MECOM: variants seen among roughly 807,000 people sequenced by gnomAD.
MECOM encodes MDS1 and EVI1 complex locus.
Under a neutral mutation model 116.3 loss-of-function variants are expected in MECOM, and 13 were observed. The observed-to-expected ratio is 0.11, with a 90% CI of 0.07 to 0.18. The LOEUF (loss-of-function observed/expected upper bound fraction) is 0.18, where lower values mean the gene tolerates loss of function less well. Among genes scored for constraint, MECOM ranks in the 10% least tolerant of loss-of-function variants. MECOM has a pLI of 1.00. For synonymous variants in MECOM, 528 were observed against 535.2 expected, an observed-to-expected ratio of 0.99 and a Z score of 0.19; for missense variants, 1,299 against 1,509.0, an observed-to-expected ratio of 0.86 and a Z score of 2.31.
intron 1 of MECOM, among the ~76,000 whole-genome samples, chr3:169,576,343 C>G (rs1055347709): frequency 1.3e-5 from 2 of 152,050 alleles, no homozygotes; most frequent in Non-Finnish European, 2.9e-5. Flanking sequence ...GCATCAAAAA[C>G]CACAATAAAA....
chr3:169,413,806 C>G (rs190958666), intron 1 of MECOM, among the ~76,000 whole-genome samples: 2 of 152,210 alleles, frequency 1.3e-5, no homozygotes, highest in African/African-American at 4.8e-5. Flanking sequence ...CTCAGTGCAG[C>G]AAGGCCACTG....
At chr3:169,265,004 C>T (rs1346066376) in intron 2 of MECOM, among the ~76,000 whole-genome samples, 6 of 151,600 alleles carry the variant, frequency 4.0e-5, no homozygotes, top group African/African-American at 1.5e-4. Flanking sequence ...TCTCTACCAA[C>T]TAAGATCTTC....
At chr3:169,400,970 G>A (rs185081693) in intron 1 of MECOM, among the ~76,000 whole-genome samples, 1 of 152,286 alleles carries the variant, frequency 6.6e-6, no homozygotes, top group African/African-American at 2.4e-5. Flanking sequence ...AAATATCCCA[G>A]TAATGGTTCA....
At chr3:169,095,902 AT>A (rs1721295042) in intron 12 of MECOM, among the ~76,000 whole-genome samples, 1 of 152,118 alleles carries the variant, frequency 6.6e-6, no homozygotes, top group South Asian at 2.1e-4. Context: ...AAGGGCTTCC[AT>A]TTATCTCCCT....
chr3:169,130,977 T>C (rs991749), intron 4 of MECOM, among the ~76,000 whole-genome samples: 148,429 of 152,176 alleles, frequency 0.98, 72,422 homozygotes, highest in East Asian at 1. Context: ...TCCCAAGGCC[T>C]CTTCCCTGAC....
At chr3:169,548,595 G>A (rs750598109) in intron 1 of MECOM, among the ~76,000 whole-genome samples, 6 of 152,152 alleles carry the variant, frequency 3.9e-5, no homozygotes, top group Admixed American at 6.5e-5. Flanking sequence ...TATTCAGGCC[G>A]ATAGTTTGAT....
intron 2 of MECOM, chr3:169,146,449 A>G: frequency 7.2e-7 from 1 of 1,387,736 alleles, no homozygotes. Context: ...CAAGGAAAAG[A>G]GGCCGACAAG....
intron 1 of MECOM, among the ~76,000 whole-genome samples, chr3:169,534,368 A>G (rs888672141): frequency 4.6e-5 from 7 of 152,188 alleles, no homozygotes; most frequent in Admixed American, 3.9e-4. Flanking sequence ...AGAGATAGCT[A>G]ATAACCCCCT....
At chr3:169,540,494 C>A (rs1021867389) in intron 1 of MECOM, among the ~76,000 whole-genome samples, 1 of 152,234 alleles carries the variant, frequency 6.6e-6, no homozygotes, top group Admixed American at 6.5e-5. Flanking sequence ...TTCAATGTGG[C>A]CATGTCATGG....
chr3:169,602,395 T>C (rs1767939749), intron 1 of MECOM, among the ~76,000 whole-genome samples: 1 of 152,224 alleles, frequency 6.6e-6, no homozygotes, highest in African/African-American at 2.4e-5. Flanking sequence ...TCAAATAGTA[T>C]TTTTATACCC....
intron 2 of MECOM, among the ~76,000 whole-genome samples, chr3:169,289,619 C>T (rs769020166): frequency 6.6e-6 from 1 of 152,166 alleles, no homozygotes; most frequent in Non-Finnish European, 1.5e-5. Flanking sequence ...GGCTGTGCAA[C>T]CCTCATCTCT....
intron 2 of MECOM, among the ~76,000 whole-genome samples, chr3:169,273,306 A>C (rs941942026): frequency 6.6e-6 from 1 of 152,322 alleles, no homozygotes; most frequent in East Asian, 1.9e-4. Context: ...AGATAGATTA[A>C]AAAGGATATA....
intron 2 of MECOM, among the ~76,000 whole-genome samples, chr3:169,321,235 A>G (rs568367677): frequency 1.3e-5 from 2 of 152,380 alleles, no homozygotes; most frequent in East Asian, 3.9e-4. Context: ...TGGATAGGAA[A>G]AGTGCTGTTA....
At chr3:169,513,836 T>C (rs1191494085) in intron 1 of MECOM, among the ~76,000 whole-genome samples, 6 of 152,182 alleles carry the variant, frequency 3.9e-5, no homozygotes, top group Non-Finnish European at 8.8e-5. Context: ...TTGAGAGCTT[T>C]AAAAACACCA....
In MECOM at chr3:169,084,187, T is replaced by C. The variant is rs976475529; in HGVS notation, c.*722A>G. 1 of 232,164 alleles carries C rather than the reference T, an allele frequency of 4.3e-6. No homozygotes were observed. Among genetic ancestry groups the C allele is most frequent in the Non-Finnish European group, 8.5e-6 (1 of 117,384 alleles). The allele number at this position is 232,164 out of a possible 1,614,324, so 14.4% of individuals were successfully genotyped here. ...GTGACATGATTGTCTAAAATTAAGA[T>C]GTTATTACAAGGATTTGGCAAACAA... On this transcript the variant is annotated 3_prime_UTR_variant, in exon 17 of 17. Transcript: ENST00000651503.
At chr3:169,131,931 C>G in intron 3 of MECOM, 1 of 1,006,234 alleles carries the variant, frequency 9.9e-7, no homozygotes, top group Non-Finnish European at 1.2e-6. Flanking sequence ...AGTAGCCTAG[C>G]TTACCTTGTA....
At chr3:169,497,500 C>T (rs1753965878) in intron 1 of MECOM, among the ~76,000 whole-genome samples, 1 of 152,086 alleles carries the variant, frequency 6.6e-6, no homozygotes, top group South Asian at 2.1e-4. Context: ...TGCCTGCCAC[C>T]AGGCCCGGCT....
intron 2 of MECOM, among the ~76,000 whole-genome samples, chr3:169,189,016 ATTGT>A (rs1005077742): frequency 5.9e-5 from 9 of 152,012 alleles, no homozygotes; most frequent in African/African-American, 1.7e-4. Flanking sequence ...TTAGCCCCAA[ATTGT>A]TTGGTAATAA....
At chr3:169,215,538 C>A (rs549774291) in intron 2 of MECOM, among the ~76,000 whole-genome samples, 1 of 152,266 alleles carries the variant, frequency 6.6e-6, no homozygotes, top group South Asian at 2.1e-4. Flanking sequence ...GCCGGCTCAG[C>A]TTTCCTTTAA....
Sources: allele counts gnomAD v4.1 joint callset (sites outside exome capture counted in the v4.1 genomes callset), GRCh38; gene constraint gnomAD v4.1.1; transcripts MANE v1.5; gene names NCBI Gene and HGNC (gene_info 2026-07-23, HGNC 2026-07-21).